The following IRS1 variants were observed in gnomAD, a reference collection of about 807,000 sequenced individuals.
The protein encoded by IRS1 is insulin receptor substrate 1.
Under a neutral mutation model 65.6 loss-of-function variants are expected in IRS1, and 34 were observed. That is an observed-to-expected ratio of 0.52 (90% CI 0.39 to 0.69). IRS1 has a LOEUF of 0.69. Ranked by LOEUF, IRS1 falls within the 30% of genes least tolerant of loss-of-function variation. The pLI, the probability that IRS1 is intolerant of heterozygous loss-of-function variation, is 0.00. For synonymous variants in IRS1, 699 were observed against 683.5 expected (o/e 1.02, Z -0.35); for missense variants, 1,641 against 1,720.2 (o/e 0.95, Z 0.81).
intron 1 of IRS1, among the ~76,000 whole-genome samples, chr2:226,749,805 T>C (rs1413461091): frequency 6.6e-6 from 1 of 152,222 alleles, no homozygotes; most frequent in Non-Finnish European, 1.5e-5. Flanking sequence ...AGAGTTTAAC[T>C]GCCCTATTCT....
chr2:226,746,785 CTTTTTTTTTTTT>C (rs1213711501), intron 1 of IRS1, among the ~76,000 whole-genome samples: 108 of 118,414 alleles, frequency 9.1e-4, no homozygotes, highest in African/African-American at 3.0e-3. Context: ...TAGCAGCATT[CTTTTTTTTTTTT>C]TTTTTTTTTT....
At chr2:226,760,107 T>A (rs569469819) in intron 1 of IRS1, among the ~76,000 whole-genome samples, 1 of 152,188 alleles carries the variant, frequency 6.6e-6, no homozygotes, top group South Asian at 2.1e-4. Context: ...GCCCAGGAGG[T>A]TGAGCTGCAG....
chr2:226,772,858 A>T (rs1409304375), intron 1 of IRS1, among the ~76,000 whole-genome samples: 3 of 151,892 alleles, frequency 2.0e-5, no homozygotes, highest in African/African-American at 7.3e-5. Context: ...AAGACACTAA[A>T]TTTTTTTTCA....
intron 1 of IRS1, among the ~76,000 whole-genome samples, chr2:226,790,065 T>C (rs921171078): frequency 6.6e-6 from 1 of 152,190 alleles, no homozygotes; most frequent in Non-Finnish European, 1.5e-5. Context: ...AGAATCCTCA[T>C]TGCAACTGAC....
At chr2:226,763,174 AT>A (rs1938953187) in intron 1 of IRS1, among the ~76,000 whole-genome samples, 1 of 152,186 alleles carries the variant, frequency 6.6e-6, no homozygotes, top group Non-Finnish European at 1.5e-5. Context: ...AAGAAAATGC[AT>A]TGCTGAAGGC....
chr2:226,782,707 A>G (rs1939406682), intron 1 of IRS1, among the ~76,000 whole-genome samples: 1 of 152,228 alleles, frequency 6.6e-6, no homozygotes, highest in African/African-American at 2.4e-5. Flanking sequence ...ACTGTTACAA[A>G]GTGTAATCCT....
At chr2:226,753,826 G>T (rs549261268) in intron 1 of IRS1, among the ~76,000 whole-genome samples, 354 of 151,764 alleles carry the variant, frequency 2.3e-3, no homozygotes, top group African/African-American at 8.3e-3. Flanking sequence ...ATAATATATT[G>T]TTTAAAACTC....
In IRS1 at chr2:226,795,934, C is replaced by T. The variant is rs1424321667; in HGVS notation, c.2805G>A (p.Glu935=). 6.2e-7 allele frequency: 1 copy of T among 1,613,938 alleles called. No homozygotes were observed. Residue 935 remains glutamate (E), a synonymous_variant, in exon 1 of 2, where the codon GAG becomes GAA. Transcript: ENST00000305123. The part of the protein sequence containing the change: ...SQLQPAPREE[E]TGTEEYMKMD... ...TCTTCATGTACTCCTCAGTGCCAGT[C>T]TCTTCCTCTCTGGGAGCTGGCTGGA...
Position 226,795,368 on chromosome 2 carries a change from G to A in IRS1, c.3371C>T (p.Ala1124Val), listed in dbSNP as rs1939692839. 1.2e-6 allele frequency: 2 copies of A among 1,612,988 alleles called. No individual in the cohort carries two copies. Among genetic ancestry groups the A allele is most frequent in the African/African-American group, 1.3e-5 (1 of 75,034 alleles). Residue 1124 changes from alanine to valine, a missense_variant, in exon 1 of 2, where the codon GCA becomes GTA. Ala to Val is a moderately conservative substitution (Grantham distance 64). Transcript: ENST00000305123. ...GCTGCTACCGCCACCGCCCCCTACT[G>A]CTGCCCCCGCTCCAAAGGGCACTGT... is the stretch of plus-strand genomic sequence containing the variant. The part of the protein sequence containing the change: ...GNTVPFGAGA[A>V]VGGGGGSSSS...
At chr2:226,763,490 A>C (rs1185750267) in intron 1 of IRS1, among the ~76,000 whole-genome samples, 3 of 152,162 alleles carry the variant, frequency 2.0e-5, no homozygotes, top group Non-Finnish European at 4.4e-5. Flanking sequence ...CCAACGTGAA[A>C]ATGAAACGAG....
intron 1 of IRS1, among the ~76,000 whole-genome samples, chr2:226,780,054 G>A (rs906257659): frequency 1.3e-5 from 2 of 152,154 alleles, no homozygotes; most frequent in African/African-American, 4.8e-5. Flanking sequence ...CACATCAGGA[G>A]GGAAATCTAT....
chr2:226,763,115 T>A (rs2106167682), intron 1 of IRS1, among the ~76,000 whole-genome samples: 1 of 152,190 alleles, frequency 6.6e-6, no homozygotes, highest in East Asian at 1.9e-4. Context: ...ATACAGTACC[T>A]CCAACGGCAA....
chr2:226,774,970 C>T (rs887614916), intron 1 of IRS1, among the ~76,000 whole-genome samples: 9 of 152,080 alleles, frequency 5.9e-5, no homozygotes, highest in Admixed American at 5.2e-4. Flanking sequence ...AAGCACAGAG[C>T]ATTTTTTAGG....
chr2:226,799,018 G>A lies in IRS1; in HGVS notation c.-280C>T. On this transcript the variant is annotated 5_prime_UTR_variant, in exon 1 of 2. Coordinates refer to ENST00000305123, the MANE Select transcript of IRS1 (RefSeq NM_005544.3). The surrounding 1 kb of genome is among the most constrained non-coding windows in gnomAD (Gnocchi z 6.1). ...TGAGGGCAGCCCCGATCCTCCGAGAGCCAAGTCTCCTCTCAGCCGCCGCCG... is the reference window on the plus strand; with the variant it reads ...TGAGGGCAGCCCCGATCCTCCGAGAACCAAGTCTCCTCTCAGCCGCCGCCG... 3 of 1,407,660 alleles carry A rather than the reference G, an allele frequency of 2.1e-6. No individual in the cohort carries two copies. Among genetic ancestry groups the A allele is most frequent in the Non-Finnish European group, 2.8e-6 (3 of 1,075,514 alleles). 87.2% of individuals were successfully genotyped at this position (1,407,660 alleles called of 1,614,324 possible).
intron 1 of IRS1, among the ~76,000 whole-genome samples, chr2:226,755,889 C>T (rs569018442): frequency 4.0e-4 from 61 of 152,184 alleles, no homozygotes; most frequent in Admixed American, 3.5e-3. Context: ...GCTCCTCCTC[C>T]CAAAAACATA....
chr2:226,736,456 A>G (rs1344506716), intron 1 of IRS1, among the ~76,000 whole-genome samples: 1 of 152,234 alleles, frequency 6.6e-6, no homozygotes, highest in African/African-American at 2.4e-5. Context: ...TCACTAACCA[A>G]AAGTCATCAA....
At chr2:226,739,631 G>A (rs1034575573) in intron 1 of IRS1, among the ~76,000 whole-genome samples, 2 of 152,168 alleles carry the variant, frequency 1.3e-5, no homozygotes, top group African/African-American at 4.8e-5. Flanking sequence ...CAAAATCAGA[G>A]TTGTGTACAA....
At chr2:226,786,368 T>TAAC (rs777309906) in intron 1 of IRS1, among the ~76,000 whole-genome samples, 15 of 151,514 alleles carry the variant, frequency 9.9e-5, no homozygotes, top group African/African-American at 2.9e-4. Context: ...CCTTTAAAAG[T>TAAC]AACAACAACA....
intron 1 of IRS1, among the ~76,000 whole-genome samples, chr2:226,746,429 GC>G (rs1405475164): frequency 6.6e-6 from 1 of 152,144 alleles, no homozygotes; most frequent in Non-Finnish European, 1.5e-5. Context: ...TGAAATTGCT[GC>G]CAGATGCACA....
Sources: allele counts gnomAD v4.1 joint callset (sites outside exome capture counted in the v4.1 genomes callset), GRCh38; gene constraint gnomAD v4.1.1; non-coding constraint Gnocchi (gnomAD v3.1); transcripts MANE v1.5; gene names NCBI Gene and HGNC (gene_info 2026-07-23, HGNC 2026-07-21).